Variants in ZNF577 observed in about 807,000 individuals in gnomAD.
The protein encoded by ZNF577 is zinc finger protein 577.
In ZNF577, 14 loss-of-function variants were observed where a neutral mutation model predicts 13.9. The ratio of observed to expected loss-of-function variants is 1.00; its 90% CI spans 0.66 to 1.57. The LOEUF (loss-of-function observed/expected upper bound fraction) is 1.57. Among genes scored for constraint, ZNF577 ranks in the 40% most tolerant of loss-of-function variants. The probability of loss-of-function intolerance (pLI) is 0.00; values close to 1 mark genes in which losing one functional copy is unlikely to be tolerated. For synonymous variants in ZNF577, 203 were observed against 202.9 expected (o/e 1.00, Z 0.00); for missense variants, 555 against 579.2 (o/e 0.96, Z 0.43).
At chr19:51,810,944 G>A (rs2084092500) in intron 10 of ZNF577, among the ~76,000 whole-genome samples, 1 of 152,176 alleles carries the variant, frequency 6.6e-6, no homozygotes, top group Admixed American at 6.5e-5. Context: ...TTTGTATTGG[G>A]GTCTCTAGTT....
intron 10 of ZNF577, among the ~76,000 whole-genome samples, chr19:51,808,206 C>CA (rs2084073170): frequency 6.6e-6 from 1 of 152,226 alleles, no homozygotes; most frequent in Non-Finnish European, 1.5e-5. Context: ...TAACATCGGT[C>CA]ATGGCCAATT....
intron 5 of ZNF577, among the ~76,000 whole-genome samples, chr19:51,856,645 C>A (rs1330111424): frequency 6.6e-6 from 1 of 152,176 alleles, no homozygotes; most frequent in Non-Finnish European, 1.5e-5. Flanking sequence ...TAACCAGATT[C>A]TCTGAAGAAG....
At chr19:51,862,652 AT>A (rs763199820), downstream of ZNF577, 5 of 152,004 alleles carry the variant, frequency 3.3e-5, no homozygotes, top group Non-Finnish European at 5.9e-5. Context: ...CATCCATAGA[AT>A]TTTCCTTTTC....
At position 51,872,329 on chromosome 19, in the gene ZNF577, T is replaced by C. The variant is rs115915437; in HGVS notation, c.*203A>G. On this transcript the variant is annotated 3_prime_UTR_variant, in exon 6 of 6. Transcript: ENST00000638348. The stretch of plus-strand genomic sequence containing the variant: ...AATTCTTTTGATACCAATTGAGATA[T>C]CATCTCCAGGTAAAGACTTCCTCAT... 2.0e-3 allele frequency: 988 copies of C among 488,996 alleles called. 12 individuals carry two copies. The highest frequency in any genetic ancestry group is 0.018 in the African/African-American group (895 of 50,912). The allele number at this position is 488,996 out of a possible 1,614,324, so 30.3% of individuals were successfully genotyped here. A position where few individuals can be genotyped will look rare whatever the true frequency, so the allele number is the denominator to read the frequency against.
At chr19:51,849,049 C>G (rs2084367852) in intron 5 of ZNF577, among the ~76,000 whole-genome samples, 1 of 152,122 alleles carries the variant, frequency 6.6e-6, no homozygotes, top group African/African-American at 2.4e-5. Flanking sequence ...ACACAATTGC[C>G]AAGCTGTTAC....
At chr19:51,864,207 C>T (rs960754277), downstream of ZNF577, among the ~76,000 whole-genome samples, 4 of 152,090 alleles carry the variant, frequency 2.6e-5, no homozygotes, top group African/African-American at 9.7e-5. Context: ...TTTTTTAGAC[C>T]ATAATTTAGA....
At chr19:51,836,175 G>A (rs1231511930) in intron 9 of ZNF577, among the ~76,000 whole-genome samples, 1 of 152,160 alleles carries the variant, frequency 6.6e-6, no homozygotes, top group Non-Finnish European at 1.5e-5. Context: ...CTCATCATGT[G>A]GAAATTTGCA....
chr19:51,876,715 C>T (rs2084770040), intron 5 of ZNF577, among the ~76,000 whole-genome samples: 1 of 151,974 alleles, frequency 6.6e-6, no homozygotes, highest in Admixed American at 6.6e-5. Context: ...TTCATGAGGT[C>T]AGGAGTTTGA....
At chr19:51,855,110 T>C (rs2084404504) in intron 5 of ZNF577, among the ~76,000 whole-genome samples, 1 of 152,202 alleles carries the variant, frequency 6.6e-6, no homozygotes, top group African/African-American at 2.4e-5. Flanking sequence ...ACTATACTTT[T>C]CTGATTGTGT....
At chr19:51,880,590 T>A in intron 2 of ZNF577, 89 bp downstream of exon 2, 1 of 612,196 alleles carries the variant, frequency 1.6e-6, no homozygotes, top group Non-Finnish European at 2.9e-6. Context: ...TTTATCAGCA[T>A]ACACTATCTC....
At chr19:51,813,119 A>AAC (rs35245083) in intron 9 of ZNF577, among the ~76,000 whole-genome samples, 25,794 of 136,930 alleles carry the variant, frequency 0.19, 2,230 homozygotes, top group East Asian at 0.27. Context: ...GCTCTGTCTC[A>AAC]ACACACACAC....
At chr19:51,882,891 A>C (rs1317785684) in intron 1 of ZNF577, among the ~76,000 whole-genome samples, 1 of 152,186 alleles carries the variant, frequency 6.6e-6, no homozygotes, top group African/African-American at 2.4e-5. Context: ...GGAATGAAGC[A>C]GGGAGGAAGG....
intron 5 of ZNF577, chr19:51,861,111 CTCTTTTTT>C (rs1173798963): frequency 2.2e-5 from 5 of 232,360 alleles, no homozygotes; most frequent in Non-Finnish European, 3.7e-5. Context: ...AATTGACTCT[CTCTTTTTT>C]TTTTTTTTTT....
At chr19:51,854,964 T>C (rs1216176056) in intron 5 of ZNF577, among the ~76,000 whole-genome samples, 1 of 152,210 alleles carries the variant, frequency 6.6e-6, no homozygotes, top group East Asian at 1.9e-4. Context: ...TGCTACTTCA[T>C]AGTTCTTTAT....
At chr19:51,817,578 A>T (rs1295329059) in intron 9 of ZNF577, 1 of 151,930 alleles carries the variant, frequency 6.6e-6, no homozygotes, top group Admixed American at 6.6e-5. Context: ...CTTTGAAATG[A>T]CCATTCAGCT....
chr19:51,819,175 C>A (rs1295658198), intron 9 of ZNF577, among the ~76,000 whole-genome samples: 6 of 152,030 alleles, frequency 3.9e-5, no homozygotes, highest in Non-Finnish European at 1.5e-5. Flanking sequence ...GGAAGAATGG[C>A]AGGTTTGGGA....
chr19:51,852,088 C>T (rs536668614), intron 5 of ZNF577, among the ~76,000 whole-genome samples: 1 of 152,340 alleles, frequency 6.6e-6, no homozygotes, highest in Admixed American at 6.5e-5. Context: ...ACCCACTGGC[C>T]TGGCTGTCCT....
At chr19:51,841,372 A>G (rs2084319722) in intron 8 of ZNF577, among the ~76,000 whole-genome samples, 1 of 152,232 alleles carries the variant, frequency 6.6e-6, no homozygotes, top group Non-Finnish European at 1.5e-5. Context: ...CCTTCCCTTC[A>G]AAACCTAACA....
At chr19:51,884,472 A>C (rs1008871130) in intron 1 of ZNF577, among the ~76,000 whole-genome samples, 2 of 152,274 alleles carry the variant, frequency 1.3e-5, no homozygotes, top group South Asian at 2.1e-4. Flanking sequence ...GGTAAATATT[A>C]TACTCAATTT....
Sources: allele counts gnomAD v4.1 joint callset (sites outside exome capture counted in the v4.1 genomes callset), GRCh38; gene constraint gnomAD v4.1.1; transcripts MANE v1.5; gene names NCBI Gene and HGNC (gene_info 2026-07-23, HGNC 2026-07-21).